Variants in STK33 observed in about 807,000 individuals in gnomAD.
The protein encoded by STK33 is serine/threonine-protein kinase 33.
STK33 carries 52 observed loss-of-function variants against 58.0 expected under a neutral mutation model. The observed-to-expected ratio is 0.90, with a 90% CI of 0.72 to 1.13. STK33 has a LOEUF of 1.13. Ranked by LOEUF, STK33 falls within the 50% of genes most tolerant of loss-of-function variation. STK33 has a pLI of 0.00. For missense variants in STK33, 630 were observed against 604.2 expected, an observed-to-expected ratio of 1.04 and a Z score of -0.45; for synonymous variants, 215 against 200.1, an observed-to-expected ratio of 1.07 and a Z score of -0.63.
At chr11:8,506,321 C>T (rs1240046969) in intron 1 of STK33, among the ~76,000 whole-genome samples, 1 of 152,178 alleles carries the variant, frequency 6.6e-6, no homozygotes, top group African/African-American at 2.4e-5. Context: ...CAGAGAAACT[C>T]TCTTTTTGAT....
chr11:8,552,927 G>T (rs1050042432), intron 1 of STK33, among the ~76,000 whole-genome samples: 3 of 151,544 alleles, frequency 2.0e-5, no homozygotes, highest in Admixed American at 1.3e-4. Flanking sequence ...AAGGCAGAAG[G>T]ATCGCTTGAG....
downstream of STK33, among the ~76,000 whole-genome samples, chr11:8,390,992 G>A (rs1048879242): frequency 6.6e-6 from 1 of 152,182 alleles, no homozygotes; most frequent in African/African-American, 2.4e-5. Context: ...AGGCTTTTCT[G>A]CAAGGAGACA....
chr11:8,379,313 A>G, the STK33 span, among the ~76,000 whole-genome samples: 3 of 152,206 alleles, frequency 2.0e-5, no homozygotes, highest in Non-Finnish European at 4.4e-5. Flanking sequence ...TTAAACTAAA[A>G]GGCTTCTGCA....
At chr11:8,523,718 A>G (rs1339346791) in intron 1 of STK33, among the ~76,000 whole-genome samples, 1 of 145,122 alleles carries the variant, frequency 6.9e-6, no homozygotes, top group Non-Finnish European at 1.5e-5. Flanking sequence ...GCCTCCGCCC[A>G]GCCACCGCCC....
In STK33 at chr11:8,517,986, G is replaced by C. The variant is rs1952971501; in HGVS notation, c.-465-37372C>G. Among the ~76,000 whole-genome samples, 4 of 152,176 alleles carry C rather than the reference G, an allele frequency of 2.6e-5. No individual in the cohort carries two copies. In the South Asian group the frequency reaches 8.3e-4, roughly 32 times the overall value. On this transcript the variant is annotated intron_variant, in intron 1 of 15. Coordinates refer to ENST00000687296, the MANE Select transcript of STK33 (RefSeq NM_001352389.2). Reference sequence around the variant, plus strand: ...CCAACATTCAAATTCAGGAAATACAGAGAACACCATAAAGATACTCCTTGA... The same window carrying C: ...CCAACATTCAAATTCAGGAAATACACAGAACACCATAAAGATACTCCTTGA...
At chr11:8,468,438 T>C (rs779456457) in intron 6 of STK33, among the ~76,000 whole-genome samples, 45 of 152,214 alleles carry the variant, frequency 3.0e-4, no homozygotes, top group Non-Finnish European at 4.9e-4. Flanking sequence ...CATTCCCTTC[T>C]TTTGTAACAG....
chr11:8,529,145 C>T (rs1187609381), intron 1 of STK33, among the ~76,000 whole-genome samples: 2 of 152,198 alleles, frequency 1.3e-5, no homozygotes, highest in African/African-American at 4.8e-5. Context: ...TTCTCTGCTA[C>T]AGTCTAAAAC....
chr11:8,397,624 C>T (rs573510465), intron 15 of STK33, among the ~76,000 whole-genome samples: 4 of 152,170 alleles, frequency 2.6e-5, no homozygotes, highest in South Asian at 2.1e-4. Context: ...ATGACTTTGA[C>T]GAGTTGAGAA....
At chr11:8,448,837 TGCACAGGCA>T (rs1458620747) in intron 11 of STK33, among the ~76,000 whole-genome samples, 1 of 151,888 alleles carries the variant, frequency 6.6e-6, no homozygotes, top group African/African-American at 2.4e-5. Context: ...ACCATCAGAG[TGCACAGGCA>T]ACCTACGGAA....
chr11:8,404,186 A>C (rs1938659452), intron 15 of STK33, among the ~76,000 whole-genome samples: 1 of 152,262 alleles, frequency 6.6e-6, no homozygotes, highest in Non-Finnish European at 1.5e-5. Flanking sequence ...TAGACTTCTA[A>C]GGTTACTTGC....
At chr11:8,449,468 T>A (rs1945982855) in intron 11 of STK33, among the ~76,000 whole-genome samples, 1 of 151,398 alleles carries the variant, frequency 6.6e-6, no homozygotes, top group Non-Finnish European at 1.5e-5. Flanking sequence ...AAATGATGAG[T>A]TCAGGTCCTT....
the STK33 span, among the ~76,000 whole-genome samples, chr11:8,335,674 G>A: frequency 1.3e-5 from 2 of 152,022 alleles, no homozygotes; most frequent in African/African-American, 2.4e-5. Flanking sequence ...AAGTTTCCAG[G>A]AGTCACATTT....
intron 8 of STK33, among the ~76,000 whole-genome samples, chr11:8,458,531 G>A (rs1029962569): frequency 6.6e-6 from 1 of 151,788 alleles, no homozygotes; most frequent in African/African-American, 2.4e-5. Context: ...CAAGAAGGAG[G>A]GAAATGAAAA....
the STK33 span, among the ~76,000 whole-genome samples, chr11:8,381,330 A>G: frequency 2.6e-5 from 4 of 152,174 alleles, no homozygotes; most frequent in South Asian, 2.1e-4. Context: ...GGACTGCTAC[A>G]TAATTAGTAA....
chr11:8,376,617 C>A, the STK33 span, among the ~76,000 whole-genome samples: 1 of 151,990 alleles, frequency 6.6e-6, no homozygotes, highest in Admixed American at 6.5e-5. Flanking sequence ...TCTCAGCTCA[C>A]TGCAACTTCT....
chr11:8,519,573 A>C (rs1953181073), intron 1 of STK33, among the ~76,000 whole-genome samples: 1 of 152,100 alleles, frequency 6.6e-6, no homozygotes, highest in Non-Finnish European at 1.5e-5. Context: ...TGGAAATGAT[A>C]AACAAAATTG....
At chr11:8,497,707 C>T (rs1209588177) in intron 1 of STK33, among the ~76,000 whole-genome samples, 1 of 152,206 alleles carries the variant, frequency 6.6e-6, no homozygotes, top group Non-Finnish European at 1.5e-5. Flanking sequence ...AGTGATCTGC[C>T]TGCCTTTGCC....
intron 14 of STK33, among the ~76,000 whole-genome samples, chr11:8,424,594 C>A (rs11041914): frequency 0.57 from 85,870 of 149,970 alleles, 25,221 homozygotes; most frequent in South Asian, 0.7. Flanking sequence ...AACTAGTTTA[C>A]AGTCCCACCA....
chr11:8,355,230 A>G, the STK33 span, among the ~76,000 whole-genome samples: 4 of 152,204 alleles, frequency 2.6e-5, no homozygotes, highest in Non-Finnish European at 5.9e-5. Flanking sequence ...CAAAGGTTTT[A>G]GCCTCAAAGT....
Sources: gnomAD v4.1 joint callset for allele counts (sites outside exome capture counted in the v4.1 genomes callset) on GRCh38, gnomAD v4.1.1 for gene constraint, MANE v1.5 for transcripts, NCBI Gene and HGNC (gene_info 2026-07-23, HGNC 2026-07-21) for gene names.